Variants in GRK5 observed in about 807,000 individuals in gnomAD.
GRK5 encodes G protein-coupled receptor kinase 5.
A neutral mutation model predicts 78.4 loss-of-function variants in GRK5; 40 were observed. The ratio of observed to expected loss-of-function variants is 0.51; its 90% CI spans 0.40 to 0.66. The LOEUF (loss-of-function observed/expected upper bound fraction) is 0.66, where lower values mean the gene tolerates loss of function less well. Ranked by LOEUF, GRK5 falls within the 30% of genes least tolerant of loss-of-function variation. GRK5 has a pLI of 0.00. For synonymous variants in GRK5, 289 were observed against 296.8 expected (o/e 0.97, Z 0.27); for missense variants, 598 against 759.9 (o/e 0.79, Z 2.50).
chr10:119,347,109 A>C (rs1045300176), intron 2 of GRK5, among the ~76,000 whole-genome samples: 2 of 151,870 alleles, frequency 1.3e-5, no homozygotes, highest in Non-Finnish European at 2.9e-5. Flanking sequence ...GGGCTCATGC[A>C]CTCTGTTGCC....
At chr10:119,451,734 C>T (rs960362333) in intron 13 of GRK5, among the ~76,000 whole-genome samples, 1 of 152,226 alleles carries the variant, frequency 6.6e-6, no homozygotes, top group Non-Finnish European at 1.5e-5. Context: ...GAGCTGGAGA[C>T]CAGAGCAGAC....
At chr10:119,352,921 G>A (rs1318410072) in intron 2 of GRK5, among the ~76,000 whole-genome samples, 1 of 152,188 alleles carries the variant, frequency 6.6e-6, no homozygotes, top group Non-Finnish European at 1.5e-5. Flanking sequence ...TGGGCACTGT[G>A]GGCCACCCGG....
chr10:119,402,630 A>T (rs972554941), intron 4 of GRK5, among the ~76,000 whole-genome samples: 17 of 152,304 alleles, frequency 1.1e-4, no homozygotes, highest in African/African-American at 4.1e-4. Flanking sequence ...AGGCAGGCGG[A>T]TCACCTGAGG....
intron 1 of GRK5, among the ~76,000 whole-genome samples, chr10:119,315,065 T>C (rs1850461787): frequency 6.6e-6 from 1 of 152,210 alleles, no homozygotes; most frequent in Non-Finnish European, 1.5e-5. Context: ...AAGAAAACTC[T>C]TGACAGAAGC....
chr10:119,243,462 C>G (rs111788013), intron 1 of GRK5, among the ~76,000 whole-genome samples: 1,817 of 152,222 alleles, frequency 0.012, 28 homozygotes, highest in African/African-American at 0.042. Flanking sequence ...GATAGCAACT[C>G]AAATATAATT....
rs1395683882 is a variant in GRK5 at position 119,299,793 on chromosome 10, GATGTGTGTGTGT to G, written c.53-26722_53-26711del. Among the ~76,000 whole-genome samples, 46 of 117,724 alleles carry G rather than the reference GATGTGTGTGTGT, an allele frequency of 3.9e-4. 1 individual carries two copies. The highest frequency in any genetic ancestry group is 1.5e-3 in the African/African-American group (43 of 28,910). 77.2% of individuals were successfully genotyped at this position (117,724 alleles called of 152,430 possible). ...GTGTCACAGACTCTTCATTTAAGCAGATGTGTGTGTGTGTGTGTGTGTGTGTGTGTTTAATAC... is the reference window on the plus strand; with the variant it reads ...GTGTCACAGACTCTTCATTTAAGCAGGTGTGTGTGTGTGTGTGTTTAATAC... On this transcript the variant is annotated intron_variant, in intron 1 of 15. Coordinates refer to ENST00000392870, the MANE Select transcript of GRK5 (RefSeq NM_005308.3).
chr10:119,301,972 G>C (rs1433268994), intron 1 of GRK5, among the ~76,000 whole-genome samples: 1 of 152,238 alleles, frequency 6.6e-6, no homozygotes, highest in African/African-American at 2.4e-5. Flanking sequence ...GGTACAAGCA[G>C]AGTTGCACTT....
intron 15 of GRK5, 132 bp downstream of exon 15, chr10:119,453,408 G>A (rs1853335615): frequency 1.9e-6 from 2 of 1,031,960 alleles, no homozygotes; most frequent in African/African-American, 1.6e-5. Context: ...AGCTTGGAAG[G>A]GCAACTGATT....
intron 1 of GRK5, among the ~76,000 whole-genome samples, chr10:119,322,886 A>G (rs1271701024): frequency 1.3e-5 from 2 of 152,236 alleles, no homozygotes; most frequent in African/African-American, 4.8e-5. Flanking sequence ...CGTAATAGCT[A>G]AAAGGTAGAA....
intron 1 of GRK5, among the ~76,000 whole-genome samples, chr10:119,236,285 G>A (rs1315917793): frequency 2.6e-5 from 4 of 151,860 alleles, no homozygotes; most frequent in East Asian, 1.9e-4. Flanking sequence ...GCGCGATCTC[G>A]GCTCACTGCA....
intron 1 of GRK5, among the ~76,000 whole-genome samples, chr10:119,276,340 A>C (rs937492834): frequency 6.6e-6 from 1 of 151,828 alleles, no homozygotes; most frequent in East Asian, 1.9e-4. Context: ...TATGAATGAG[A>C]ACACGTGGTG....
rs754364507 is a variant in GRK5 at position 119,445,009 on chromosome 10, C to A, written c.1266+1257C>A. On this transcript the variant is annotated intron_variant, in intron 12 of 15. Transcript: ENST00000392870. This position sits in a 1 kb window ranked among gnomAD's most constrained non-coding sequence, Gnocchi z 4.1. ...CCTGCAGCCAGACACCTCTGCTTGG[C>A]CCCTTCCTGTCACCAACCTCATCCT... Among the ~76,000 whole-genome samples the A allele has an allele frequency of 1.3e-5, 2 of 152,230 alleles. No homozygotes were observed. Among genetic ancestry groups the A allele is most frequent in the African/African-American group, 2.4e-5 (1 of 41,452 alleles).
intron 1 of GRK5, among the ~76,000 whole-genome samples, chr10:119,293,375 G>C (rs1198752983): frequency 1.3e-5 from 2 of 152,170 alleles, no homozygotes; most frequent in African/African-American, 4.8e-5. Flanking sequence ...GCTAACAGAT[G>C]CTAAGCTCTA....
intron 4 of GRK5, among the ~76,000 whole-genome samples, chr10:119,403,318 C>CGTGGT (rs1473315103): frequency 6.6e-6 from 1 of 152,086 alleles, no homozygotes; most frequent in Non-Finnish European, 1.5e-5. Flanking sequence ...AGGTGCCTGC[C>CGTGGT]ACCACGCCCT....
intron 1 of GRK5, among the ~76,000 whole-genome samples, chr10:119,237,062 C>CT (rs11393484): frequency 0.86 from 102,333 of 119,074 alleles, 45,327 homozygotes; most frequent in Non-Finnish European, 0.93. Flanking sequence ...TTTGCCTTAC[C>CT]TTTTTTTTTT....
At chr10:119,371,658 G>A (rs1422449055) in intron 2 of GRK5, among the ~76,000 whole-genome samples, 2 of 152,218 alleles carry the variant, frequency 1.3e-5, no homozygotes, top group Non-Finnish European at 2.9e-5. Flanking sequence ...GCTCAGGGCC[G>A]AAGGGCTCGG....
chr10:119,400,798 C>T (rs546645616), intron 4 of GRK5, among the ~76,000 whole-genome samples: 10 of 152,266 alleles, frequency 6.6e-5, no homozygotes, highest in African/African-American at 2.4e-4. Context: ...GGGGAACAGC[C>T]CCAGGTCCCC....
chr10:119,433,722 T>C (rs1246354609), intron 8 of GRK5, among the ~76,000 whole-genome samples: 1 of 152,150 alleles, frequency 6.6e-6, no homozygotes, highest in Non-Finnish European at 1.5e-5. Flanking sequence ...CACCTCCCTA[T>C]GTGGAGAAGG....
intron 6 of GRK5, among the ~76,000 whole-genome samples, chr10:119,428,950 C>T (rs1247787998): frequency 3.3e-5 from 5 of 152,244 alleles, no homozygotes; most frequent in Admixed American, 2.0e-4. Flanking sequence ...GTCAACCAAC[C>T]GTTTCTCCTC....
Sources: gnomAD v4.1 joint callset for allele counts (sites outside exome capture counted in the v4.1 genomes callset) on GRCh38, gnomAD v4.1.1 for gene constraint, Gnocchi (gnomAD v3.1) non-coding constraint, MANE v1.5 for transcripts, NCBI Gene and HGNC (gene_info 2026-07-23, HGNC 2026-07-21) for gene names.